CLPB: variants seen among roughly 807,000 people sequenced by gnomAD.
CLPB encodes mitochondrial disaggregase.
CLPB carries 40 observed loss-of-function variants against 78.4 expected under a neutral mutation model. That is an observed-to-expected ratio of 0.51 (90% confidence interval 0.40 to 0.66). The LOEUF (loss-of-function observed/expected upper bound fraction) is 0.66, where lower values mean the gene tolerates loss of function less well. Ranked by LOEUF, CLPB falls within the 30% of genes least tolerant of loss-of-function variation. The pLI, the probability that CLPB is intolerant of heterozygous loss-of-function variation, is 0.00. For missense variants in CLPB, 780 were observed against 886.9 expected, an observed-to-expected ratio of 0.88 and a Z score of 1.53; for synonymous variants, 333 against 348.0, an observed-to-expected ratio of 0.96 and a Z score of 0.48.
chr11:72,315,536 A>C (rs1375495768), intron 7 of CLPB, among the ~76,000 whole-genome samples: 1 of 152,224 alleles, frequency 6.6e-6, no homozygotes, highest in Non-Finnish European at 1.5e-5. Context: ...GTAAGGTGGT[A>C]ACTGTGCGCC....
At chr11:72,427,942 G>C (rs1856435567) in intron 2 of CLPB, among the ~76,000 whole-genome samples, 2 of 152,202 alleles carry the variant, frequency 1.3e-5, no homozygotes, top group Admixed American at 6.5e-5. Context: ...CACCTGTACA[G>C]AGTCTAGGGT....
chr11:72,303,000 AG>A (rs1385000642), intron 9 of CLPB: 3 of 152,734 alleles, frequency 2.0e-5, no homozygotes, highest in Non-Finnish European at 2.9e-5. Context: ...CACAGGGTGT[AG>A]GGGTGATTTC....
intron 7 of CLPB, among the ~76,000 whole-genome samples, chr11:72,313,999 G>A (rs1949894481): frequency 6.6e-6 from 1 of 152,180 alleles, no homozygotes; most frequent in South Asian, 2.1e-4. Context: ...CCACAACCCA[G>A]GGATGACCTA....
intron 4 of CLPB, among the ~76,000 whole-genome samples, chr11:72,360,960 A>C (rs1950827936): frequency 2.0e-5 from 3 of 152,302 alleles, no homozygotes; most frequent in Admixed American, 1.3e-4. Flanking sequence ...AGGAAATCAG[A>C]CACCAAGAAA....
chr11:72,385,757 A>T (rs532372312), intron 3 of CLPB, among the ~76,000 whole-genome samples: 1 of 152,350 alleles, frequency 6.6e-6, no homozygotes, highest in Non-Finnish European at 1.5e-5. Flanking sequence ...CGGGAGGCGG[A>T]GGATGCAGTG....
chr11:72,317,673 A>T (rs1435792023), intron 6 of CLPB, among the ~76,000 whole-genome samples: 1 of 152,216 alleles, frequency 6.6e-6, no homozygotes, highest in Non-Finnish European at 1.5e-5. Context: ...CCTCTTGAAA[A>T]ACGTTTTGCT....
intron 4 of CLPB, among the ~76,000 whole-genome samples, chr11:72,377,347 T>A (rs1463976233): frequency 6.6e-6 from 1 of 152,196 alleles, no homozygotes; most frequent in Non-Finnish European, 1.5e-5. Context: ...GTCTAACTCA[T>A]CAGTGCTTAA....
At position 72,312,738 on chromosome 11, in the gene CLPB, C is replaced by G. The variant is rs990142912; in HGVS notation, c.989-4134G>C. ...TCTTCTAAATCCTTCTCCAGGAAGC[C>G]TTATGTATTTGTTTAGCAAAAAAGC... On this transcript the variant is annotated intron_variant, in intron 7 of 15. Transcript: ENST00000538039. The surrounding 1 kb of genome is among the most constrained non-coding windows in gnomAD (Gnocchi z 4.2). 2.6e-5 allele frequency among the ~76,000 whole-genome samples: 4 copies of G among 152,190 alleles called. No homozygotes were observed. The highest frequency in any genetic ancestry group is 9.6e-5 in the African/African-American group (4 of 41,508).
At chr11:72,328,891 C>T (rs1039000915) in intron 6 of CLPB, among the ~76,000 whole-genome samples, 1 of 149,746 alleles carries the variant, frequency 6.7e-6, no homozygotes, top group Non-Finnish European at 1.5e-5. Context: ...GTGGCAACAG[C>T]AGAGTCCCCT....
At chr11:72,356,018 A>G (rs1375079905) in intron 5 of CLPB, among the ~76,000 whole-genome samples, 2 of 152,266 alleles carry the variant, frequency 1.3e-5, no homozygotes, top group Admixed American at 1.3e-4. Context: ...GCGGTAGCTC[A>G]TGCCTGTAAT....
At chr11:72,335,996 T>C (rs1950315047) in intron 5 of CLPB, among the ~76,000 whole-genome samples, 1 of 152,118 alleles carries the variant, frequency 6.6e-6, no homozygotes, top group Admixed American at 6.5e-5. Flanking sequence ...CGGTACCCTC[T>C]ATGCTCTGTA....
chr11:72,383,458 G>A (rs1395722759), intron 3 of CLPB, among the ~76,000 whole-genome samples: 1 of 151,278 alleles, frequency 6.6e-6, no homozygotes, highest in Admixed American at 6.6e-5. Flanking sequence ...GTGAACCCGG[G>A]AGGCAGAGCT....
At chr11:72,322,299 C>G (rs116887615) in intron 6 of CLPB, among the ~76,000 whole-genome samples, 1 of 152,120 alleles carries the variant, frequency 6.6e-6, no homozygotes, top group Non-Finnish European at 1.5e-5. Flanking sequence ...GATCATGTCA[C>G]TCCTCTGCAA....
rs776452795 is a variant in CLPB at position 72,295,604 on chromosome 11, G to A, written c.1374C>T (p.Asp458=). The A allele has an allele frequency of 3.6e-5, 58 of 1,614,062 alleles. No individual in the cohort carries two copies. Among genetic ancestry groups the A allele is most frequent in the Middle Eastern group, 3.3e-4 (2 of 6,062 alleles). Residue 458 remains aspartate (D), a synonymous_variant, in exon 12 of 16, where the codon GAC becomes GAT. Transcript: ENST00000538039. ...DGKGKTIDCK[D]AIFIMTSNVA... Reference sequence around the variant, plus strand: ...CATTGGAGGTCATGATGAAGATGGCGTCCTTGCAATCAATGGTCTTCCCTT... The same window carrying A: ...CATTGGAGGTCATGATGAAGATGGCATCCTTGCAATCAATGGTCTTCCCTT...
chr11:72,345,066 C>G (rs931388370), intron 5 of CLPB, among the ~76,000 whole-genome samples: 1 of 152,212 alleles, frequency 6.6e-6, no homozygotes, highest in Non-Finnish European at 1.5e-5. Flanking sequence ...CAGACCCTCT[C>G]ATACGATGCT....
chr11:72,427,503 T>C (rs1856420073), intron 2 of CLPB, among the ~76,000 whole-genome samples: 2 of 152,206 alleles, frequency 1.3e-5, no homozygotes, highest in Non-Finnish European at 2.9e-5. Flanking sequence ...AAGATTATAA[T>C]GAAGCTGAAA....
At chr11:72,428,746 C>A (rs965000501) in intron 2 of CLPB, 1 of 152,252 alleles carries the variant, frequency 6.6e-6, no homozygotes, top group Non-Finnish European at 1.5e-5. Context: ...AAAGCCCCCC[C>A]AGACACTATC....
intron 1 of CLPB, 41 bp downstream of exon 1, chr11:72,434,031 T>C (rs1856627798): frequency 6.3e-7 from 1 of 1,592,636 alleles, no homozygotes. Context: ...TAGGACAATC[T>C]TCCCGCCTCT....
At chr11:72,394,981 C>T (rs1331746896) in intron 3 of CLPB, among the ~76,000 whole-genome samples, 1 of 152,174 alleles carries the variant, frequency 6.6e-6, no homozygotes, top group Non-Finnish European at 1.5e-5. Flanking sequence ...CACATCTCTG[C>T]TTTCCACCTT....
Sources: allele counts gnomAD v4.1 joint callset (sites outside exome capture counted in the v4.1 genomes callset), GRCh38; gene constraint gnomAD v4.1.1; non-coding constraint Gnocchi (gnomAD v3.1); transcripts MANE v1.5; gene names NCBI Gene and HGNC (gene_info 2026-07-23, HGNC 2026-07-21).